The following SLC6A5 variants were observed in gnomAD, a reference collection of about 807,000 sequenced individuals.
SLC6A5 encodes the protein solute carrier family 6 member 5, also known as sodium- and chloride-dependent glycine transporter 2.
A neutral mutation model predicts 90.5 loss-of-function variants in SLC6A5; 58 were observed. The ratio of observed to expected loss-of-function variants is 0.64; its 90% CI spans 0.52 to 0.80. The LOEUF is 0.80. Among genes scored for constraint, SLC6A5 ranks in the 30% least tolerant of loss-of-function variants. The pLI is 0.00. For missense variants in SLC6A5, 1,015 were observed against 1,017.6 expected, an observed-to-expected ratio of 1.00 and a Z score of 0.03; for synonymous variants, 427 against 401.4, an observed-to-expected ratio of 1.06 and a Z score of -0.76.
chr11:20,630,788 G>A lies in SLC6A5; in HGVS notation c.1597G>A (p.Val533Ile), dbSNP rs748281746. ...VIGFMANERK[V>I]NIENVADQGP... ...CGGCTTCATGGCCAATGAACGCAAA[G>A]TCAACATTGAGAATGTGGCAGACCA... is the stretch of plus-strand genomic sequence containing the variant. The change falls in exon 10 of 16, where the codon GTC becomes ATC. Residue 533 changes from valine to isoleucine, a missense_variant. By Grantham distance (29) the Val-to-Ile change is conservative. This residue lies in a region of SLC6A5 where 442 missense variants were observed against 494.3 expected (regional missense o/e 0.89). Coordinates refer to ENST00000525748, the MANE Select transcript of SLC6A5 (RefSeq NM_004211.5). The A allele has an allele frequency of 1.0e-4, 167 of 1,614,094 alleles. No homozygotes were observed. Among genetic ancestry groups the A allele is most frequent in the Non-Finnish European group, 1.2e-4 (142 of 1,180,046 alleles).
chr11:20,607,247 CTCTT>C (rs767641945), intron 4 of SLC6A5, 109 bp downstream of exon 4: 5 of 1,411,430 alleles, frequency 3.5e-6, no homozygotes, highest in Non-Finnish European at 4.9e-6. Context: ...ATAGAACTAA[CTCTT>C]TCCTTCCTTT....
chr11:20,632,874 C>T (rs552955492), intron 10 of SLC6A5, among the ~76,000 whole-genome samples: 1 of 152,314 alleles, frequency 6.6e-6, no homozygotes, highest in South Asian at 2.1e-4. Context: ...TAGAGGTTCT[C>T]TTTAATGACC....
At chr11:20,632,539 C>T (rs1443354391) in intron 10 of SLC6A5, among the ~76,000 whole-genome samples, 1 of 152,152 alleles carries the variant, frequency 6.6e-6, no homozygotes, top group African/African-American at 2.4e-5. Context: ...CAGGTTCTAA[C>T]CTGTTGTGTT....
chr11:20,634,300 C>T (rs1455792568), intron 10 of SLC6A5, among the ~76,000 whole-genome samples: 2 of 152,176 alleles, frequency 1.3e-5, no homozygotes, highest in Non-Finnish European at 2.9e-5. Flanking sequence ...AAACATCTAA[C>T]GATGTTATTC....
intron 10 of SLC6A5, among the ~76,000 whole-genome samples, chr11:20,631,719 G>T (rs528931178): frequency 4.6e-5 from 7 of 152,134 alleles, no homozygotes; most frequent in African/African-American, 1.7e-4. Context: ...CATGCTGTGG[G>T]GCATGACTGT....
At chr11:20,615,683 A>G (rs568192743) in intron 6 of SLC6A5, among the ~76,000 whole-genome samples, 1 of 152,250 alleles carries the variant, frequency 6.6e-6, no homozygotes, top group Non-Finnish European at 1.5e-5. Context: ...TTATGTCTTA[A>G]GGGAGATAAA....
intron 13 of SLC6A5, among the ~76,000 whole-genome samples, chr11:20,646,451 T>A (rs553970876): frequency 6.6e-6 from 1 of 152,208 alleles, no homozygotes; most frequent in East Asian, 1.9e-4. Context: ...CTCTGTTTAT[T>A]GACCACAGTC....
rs190906170 is a variant in SLC6A5 at position 20,628,840 on chromosome 11, G to A, written c.1499+757G>A. On this transcript the variant is annotated intron_variant, in intron 9 of 15. Coordinates refer to ENST00000525748, the MANE Select transcript of SLC6A5 (RefSeq NM_004211.5). Reference sequence around the variant, plus strand: ...CTTGAAAATCTAGATTCATATCCTGGCCCACACTATTAATTAGTCCATTAC... The same window carrying A: ...CTTGAAAATCTAGATTCATATCCTGACCCACACTATTAATTAGTCCATTAC... Among the ~76,000 whole-genome samples the A allele has an allele frequency of 3.0e-3, 457 of 152,250 alleles. 2 individuals are homozygous for A. Among genetic ancestry groups the A allele is most frequent in the Non-Finnish European group, 5.0e-3 (340 of 68,020 alleles).
rs375679521 is a variant in SLC6A5, at chr11:20,601,560, T to C, written c.435T>C (p.Asn145=). 6.2e-7 allele frequency: 1 copy of C among 1,614,088 alleles called. No homozygotes were observed. Among genetic ancestry groups the C allele is most frequent in the Non-Finnish European group, 8.5e-7 (1 of 1,179,966 alleles). ...SVGKGTLERN[N]TPVVGWVNMS... ...GCAAGGGCACCCTGGAGCGGAACAA[T>C]ACCCCTGTTGTGGGCTGGGTGAACA... Residue 145 remains asparagine, a synonymous_variant, in exon 2 of 16, where the codon AAT becomes AAC. Transcript: ENST00000525748.
chr11:20,626,895 G>T, intron 8 of SLC6A5, 53 bp downstream of exon 8: 1 of 1,531,802 alleles, frequency 6.5e-7, no homozygotes, highest in African/African-American at 1.4e-5. Context: ...CCCTCTGGGA[G>T]GCTTGGGCAA....
intron 5 of SLC6A5, among the ~76,000 whole-genome samples, chr11:20,613,639 G>A (rs535031949): frequency 6.8e-6 from 1 of 147,622 alleles, no homozygotes; most frequent in Admixed American, 6.8e-5. Context: ...CCGATGTTTT[G>A]GACTAAATAA....
chr11:20,621,414 T>G lies in SLC6A5; in HGVS notation c.1260+3530T>G, dbSNP rs1029445173. Among the ~76,000 whole-genome samples the G allele has an allele frequency of 2.0e-5, 3 of 152,228 alleles. No individual in the cohort carries two copies. The East Asian group carries it at 5.8e-4, about 29-fold the overall frequency. On this transcript the variant is annotated intron_variant, in intron 7 of 15. Coordinates refer to ENST00000525748, the MANE Select transcript of SLC6A5 (RefSeq NM_004211.5). ...ATTGCAGCCAGTTCTTTCCACTGAT[T>G]TAGAATCTAATTCTTGGTGATAGAT...
At chr11:20,618,954 ACACACACACACAC>A (rs1371745489) in intron 7 of SLC6A5, among the ~76,000 whole-genome samples, 1 of 13,236 alleles carries the variant, frequency 7.6e-5, no homozygotes, top group African/African-American at 3.1e-4. Flanking sequence ...CGACACACAC[ACACACACACACAC>A]ACACACACAC....
intron 6 of SLC6A5, among the ~76,000 whole-genome samples, chr11:20,617,497 A>T (rs16906564): frequency 6.6e-6 from 1 of 152,130 alleles, no homozygotes; most frequent in Non-Finnish European, 1.5e-5. Flanking sequence ...GCCCAGGGCC[A>T]TGAGCAGCCT....
chr11:20,624,307 C>A (rs1028449466), intron 7 of SLC6A5, among the ~76,000 whole-genome samples: 4 of 151,950 alleles, frequency 2.6e-5, no homozygotes, highest in African/African-American at 9.7e-5. Flanking sequence ...GCATGCACCA[C>A]CATGCCCGGT....
In SLC6A5 at chr11:20,626,723, G is replaced by A; in HGVS notation, c.1276G>A (p.Ala426Thr). 1 of 1,614,046 alleles carries A rather than the reference G, an allele frequency of 6.2e-7. No homozygotes were observed. The highest frequency in any genetic ancestry group is 8.5e-7 in the Non-Finnish European group (1 of 1,179,956). Residue 426 changes from alanine (A) to threonine (T), a missense_variant, in exon 8 of 16, where the codon GCC becomes ACC. Coordinates refer to ENST00000525748, the MANE Select transcript of SLC6A5 (RefSeq NM_004211.5). ...GCTTTTCTAGGTGGTGTACTTCACG[G>A]CCACGTTCCCGTATGTCGTACTCGT... ...KTSGKVVYFT[A>T]TFPYVVLVIL...
chr11:20,653,112 T>C (rs762171893), intron 15 of SLC6A5, among the ~76,000 whole-genome samples: 2 of 152,160 alleles, frequency 1.3e-5, no homozygotes, highest in Non-Finnish European at 2.9e-5. Context: ...GTGCCACCAG[T>C]GAAGTGTGGT....
chr11:20,637,349 G>A, intron 12 of SLC6A5, 46 bp downstream of exon 12: 1 of 1,547,814 alleles, frequency 6.5e-7, no homozygotes, highest in Non-Finnish European at 8.9e-7. Context: ...GCAGGAGGGT[G>A]GGGGGCCAAT....
intron 1 of SLC6A5, 114 bp from the exon 2 acceptor site, chr11:20,601,015 G>T: frequency 9.7e-7 from 1 of 1,033,104 alleles, no homozygotes; most frequent in Non-Finnish European, 1.4e-6. Context: ...ATTCCAATTT[G>T]CTTCCCCAGA....
Sources: gnomAD v4.1 joint callset for allele counts (sites outside exome capture counted in the v4.1 genomes callset) on GRCh38, gnomAD v4.1.1 for gene constraint, gnomAD v4.1.1 regional missense constraint, MANE v1.5 for transcripts, NCBI Gene and HGNC (gene_info 2026-07-23, HGNC 2026-07-21) for gene names.